DLG2: variants seen among roughly 807,000 people sequenced by gnomAD.
The protein encoded by DLG2 is disks large homolog 2.
DLG2 carries 45 observed loss-of-function variants against 132.5 expected under a neutral mutation model. The ratio of observed to expected loss-of-function variants is 0.34; its 90% CI spans 0.27 to 0.44. The LOEUF is 0.44. Ranked by LOEUF, DLG2 falls within the 20% of genes least tolerant of loss-of-function variation. DLG2 has a pLI of 1.00. For missense variants in DLG2, 1,045 were observed against 1,196.9 expected, an observed-to-expected ratio of 0.87 and a Z score of 1.87; for synonymous variants, 424 against 419.6, an observed-to-expected ratio of 1.01 and a Z score of -0.13.
At chr11:83,847,964 A>G (rs1208541626) in intron 16 of DLG2, among the ~76,000 whole-genome samples, 1 of 152,144 alleles carries the variant, frequency 6.6e-6, no homozygotes, top group Non-Finnish European at 1.5e-5. Flanking sequence ...TACCAGTCAT[A>G]TGTGTTAGTA....
At chr11:85,523,186 G>C (rs1310967010) in intron 3 of DLG2, among the ~76,000 whole-genome samples, 1 of 152,174 alleles carries the variant, frequency 6.6e-6, no homozygotes, top group Non-Finnish European at 1.5e-5. Context: ...TGATGGTTTT[G>C]TGAGGGGCTT....
intron 7 of DLG2, among the ~76,000 whole-genome samples, chr11:84,467,353 TA>T (rs2099097210): frequency 6.6e-6 from 1 of 151,384 alleles, no homozygotes; most frequent in African/African-American, 2.4e-5. Flanking sequence ...GTCATAGAAA[TA>T]ACATTTTAAG....
intron 4 of DLG2, among the ~76,000 whole-genome samples, chr11:85,184,966 A>T (rs1282589581): frequency 2.0e-5 from 3 of 151,982 alleles, no homozygotes; most frequent in Non-Finnish European, 2.9e-5. Context: ...TTATGTATCT[A>T]GAATCCAAGA....
chr11:84,953,182 G>C (rs941152621), intron 6 of DLG2, among the ~76,000 whole-genome samples: 1 of 152,080 alleles, frequency 6.6e-6, no homozygotes, highest in Non-Finnish European at 1.5e-5. Context: ...GTCATTTTCT[G>C]AGGTGGAATT....
chr11:83,702,444 T>C (rs2083130064), intron 18 of DLG2, among the ~76,000 whole-genome samples: 1 of 152,256 alleles, frequency 6.6e-6, no homozygotes, highest in South Asian at 2.1e-4. Context: ...GCTAAGTATC[T>C]ACTATCAAGA....
intron 7 of DLG2, among the ~76,000 whole-genome samples, chr11:84,363,511 T>A (rs1482257481): frequency 1.3e-5 from 2 of 152,082 alleles, no homozygotes; most frequent in African/African-American, 4.8e-5. Context: ...GCTCTTTAGT[T>A]TAATTAGATC....
At chr11:83,994,119 C>T (rs12799748) in intron 11 of DLG2, among the ~76,000 whole-genome samples, 3,372 of 152,218 alleles carry the variant, frequency 0.022, 67 homozygotes, top group Middle Eastern at 0.034. Context: ...GTCTTTATCT[C>T]ATTTTTAGTG....
intron 3 of DLG2, among the ~76,000 whole-genome samples, chr11:85,291,286 T>C (rs1301959646): frequency 6.6e-6 from 1 of 152,158 alleles, no homozygotes; most frequent in African/African-American, 2.4e-5. Context: ...CACAATAAAA[T>C]TAAAAAGTAA....
intron 3 of DLG2, among the ~76,000 whole-genome samples, chr11:85,543,466 T>C (rs890015721): frequency 6.6e-6 from 1 of 152,220 alleles, no homozygotes; most frequent in South Asian, 2.1e-4. Context: ...TGGATCTTTA[T>C]AGTAGAATGA....
chr11:84,131,759 G>C (rs2094432682), intron 9 of DLG2, among the ~76,000 whole-genome samples: 1 of 151,890 alleles, frequency 6.6e-6, no homozygotes, highest in African/African-American at 2.4e-5. Flanking sequence ...CCCAAACAGT[G>C]ATGTTTTTTC....
chr11:84,678,564 G>A (rs570159032), intron 6 of DLG2, among the ~76,000 whole-genome samples: 1 of 152,154 alleles, frequency 6.6e-6, no homozygotes, highest in African/African-American at 2.4e-5. Flanking sequence ...TGATGAATGA[G>A]GCTAGGAACA....
intron 3 of DLG2, among the ~76,000 whole-genome samples, chr11:85,483,600 T>G (rs956656208): frequency 6.6e-6 from 1 of 152,180 alleles, no homozygotes; most frequent in African/African-American, 2.4e-5. Context: ...ACTGCAATGG[T>G]GATATGTAAA....
At chr11:85,118,268 T>C (rs1398246304) in intron 5 of DLG2, among the ~76,000 whole-genome samples, 3 of 152,080 alleles carry the variant, frequency 2.0e-5, no homozygotes, top group Admixed American at 6.6e-5. Flanking sequence ...TGCTGACCTA[T>C]TCTCCAAAGG....
chr11:83,722,707 G>A (rs1199565692), intron 18 of DLG2, among the ~76,000 whole-genome samples: 1 of 152,118 alleles, frequency 6.6e-6, no homozygotes, highest in Admixed American at 6.5e-5. Flanking sequence ...ATGCTAACAA[G>A]TGCCACCTTC....
intron 6 of DLG2, among the ~76,000 whole-genome samples, chr11:84,680,653 G>T (rs1443988724): frequency 6.6e-6 from 1 of 152,164 alleles, no homozygotes. Flanking sequence ...GACATATTTA[G>T]ATTCAAATTT....
At chr11:84,310,645 C>T (rs1023029400) in intron 7 of DLG2, among the ~76,000 whole-genome samples, 17 of 152,178 alleles carry the variant, frequency 1.1e-4, no homozygotes, top group African/African-American at 4.1e-4. Context: ...ATCACTTGCT[C>T]TCTTCTGTTT....
intron 18 of DLG2, among the ~76,000 whole-genome samples, chr11:83,745,788 T>G (rs1157581900): frequency 2.0e-5 from 3 of 151,082 alleles, no homozygotes; most frequent in African/African-American, 7.3e-5. Flanking sequence ...GGTGTCAGAG[T>G]GAGACGCTGC....
At chr11:84,129,880 C>T (rs1420444854) in intron 9 of DLG2, among the ~76,000 whole-genome samples, 1 of 151,910 alleles carries the variant, frequency 6.6e-6, no homozygotes. Flanking sequence ...TTCTAGAAAC[C>T]TGGTCTTTCT....
At chr11:83,773,920 C>T (rs184223275) in intron 18 of DLG2, among the ~76,000 whole-genome samples, 1 of 152,202 alleles carries the variant, frequency 6.6e-6, no homozygotes, top group East Asian at 1.9e-4. Context: ...CACACAAATA[C>T]CTTAATCTGA....
Sources: allele counts gnomAD v4.1 joint callset (sites outside exome capture counted in the v4.1 genomes callset), GRCh38; gene constraint gnomAD v4.1.1; transcripts MANE v1.5; gene names NCBI Gene and HGNC (gene_info 2026-07-23, HGNC 2026-07-21).